Variants in ACAA2 observed in about 807,000 individuals in gnomAD.
ACAA2 encodes 3-ketoacyl-CoA thiolase, mitochondrial.
Under a neutral mutation model 44.8 loss-of-function variants are expected in ACAA2, and 35 were observed. That is an observed-to-expected ratio of 0.78 (90% CI 0.60 to 1.04). The LOEUF (loss-of-function observed/expected upper bound fraction) is 1.04, where lower values mean the gene tolerates loss of function less well. ACAA2 is among the 50% of genes least tolerant of loss of function. The pLI, the probability that ACAA2 is intolerant of heterozygous loss-of-function variation, is 0.00. For synonymous variants in ACAA2, 142 were observed against 166.5 expected (o/e 0.85, Z 1.13); for missense variants, 468 against 482.6 (o/e 0.97, Z 0.28).
Position 49,800,713 on chromosome 18 carries a change from A to C in ACAA2, c.183+1974T>G, listed in dbSNP as rs992634650. Reference sequence around the variant, plus strand: ...CTTGAAAGGCAGCATGCTTGTTAAGAGTCATCACCACTCCCTAATCTCAAG... The same window carrying C: ...CTTGAAAGGCAGCATGCTTGTTAAGCGTCATCACCACTCCCTAATCTCAAG... On this transcript the variant is annotated intron_variant, in intron 2 of 9. Coordinates refer to ENST00000285093, the MANE Select transcript of ACAA2 (RefSeq NM_006111.3). 2.0e-5 allele frequency among the ~76,000 whole-genome samples: 3 copies of C among 152,096 alleles called. No individual in the cohort carries two copies. In the East Asian group the frequency reaches 5.8e-4, roughly 29 times the overall value.
chr18:49,787,011 T>C (rs1460612552), intron 8 of ACAA2, among the ~76,000 whole-genome samples: 1 of 152,124 alleles, frequency 6.6e-6, no homozygotes, highest in African/African-American at 2.4e-5. Flanking sequence ...AATGTAACAG[T>C]TTTATAAAGT....
rs1054214077 is a variant in ACAA2, at chr18:49,801,864, C to A, written c.183+823G>T. Among the ~76,000 whole-genome samples the A allele has an allele frequency of 3.4e-5, 5 of 145,154 alleles. No individual in the cohort carries two copies. In the East Asian group the frequency reaches 1.0e-3, roughly 30 times the overall value. The stretch of plus-strand genomic sequence containing the variant: ...ACCTCCTTTTGGTCCACCTTGGGTG[C>A]CATAGCACCTATAATAGCCTCTAAC... On this transcript the variant is annotated intron_variant, in intron 2 of 9. Coordinates refer to ENST00000285093, the MANE Select transcript of ACAA2 (RefSeq NM_006111.3).
In ACAA2 at chr18:49,811,344, T is replaced by A. The variant is rs2023667909; in HGVS notation, c.16+2125A>T. 2.0e-5 allele frequency: 3 copies of A among 152,318 alleles called. No homozygotes were observed. The South Asian group carries it at 6.2e-4, about 32-fold the overall frequency. The allele number at this position is 152,318 out of a possible 1,614,324, so 9.4% of individuals were successfully genotyped here. On this transcript the variant is annotated intron_variant, in intron 1 of 9. Transcript: ENST00000285093. ...GAGGGCAAATTAAGGAAAGCTGCGG[T>A]GGCATCCAGTTGTTTCAAGATTAAG... is the stretch of plus-strand genomic sequence containing the variant.
intron 9 of ACAA2, 48 bp from the exon 10 acceptor site, chr18:49,783,979 T>C (rs774901592): frequency 6.8e-7 from 1 of 1,474,880 alleles, no homozygotes; most frequent in Middle Eastern, 1.7e-4. Flanking sequence ...AAAAATCAGA[T>C]TAATGAAATA....
chr18:49,791,989 T>G (rs1231210654), intron 6 of ACAA2, among the ~76,000 whole-genome samples, 163 bp downstream of exon 6: 2 of 152,114 alleles, frequency 1.3e-5, no homozygotes, highest in Non-Finnish European at 2.9e-5. Context: ...TATGAAAAGA[T>G]TTTGTGTGGG....
intron 6 of ACAA2, among the ~76,000 whole-genome samples, 169 bp downstream of exon 6, chr18:49,791,983 A>G (rs538417863): frequency 2.6e-5 from 4 of 152,356 alleles, no homozygotes; most frequent in East Asian, 3.9e-4. Flanking sequence ...AATAAATATG[A>G]AAAGATTTTG....
intron 7 of ACAA2, among the ~76,000 whole-genome samples, chr18:49,788,742 C>T (rs1035195070): frequency 2.0e-5 from 3 of 152,178 alleles, no homozygotes; most frequent in East Asian, 1.9e-4. Flanking sequence ...AAGCATGACT[C>T]GTACTTTCAC....
intron 7 of ACAA2, among the ~76,000 whole-genome samples, chr18:49,790,783 A>AT (rs1568585768): frequency 1.3e-5 from 2 of 152,082 alleles, no homozygotes; most frequent in African/African-American, 4.8e-5. Flanking sequence ...GGACTTCCAA[A>AT]TTTTTTCCAT....
Position 49,787,271 on chromosome 18 carries a change from A to ACAAAAC in ACAA2, c.954+19_954+20insGTTTTG. The ACAAAAC allele has an allele frequency of 7.5e-7, 1 of 1,334,068 alleles. No homozygotes were observed. Among genetic ancestry groups the ACAAAAC allele is most frequent in the Non-Finnish European group, 9.9e-7 (1 of 1,007,990 alleles). The allele number at this position is 1,334,068 out of a possible 1,614,324, so 82.6% of individuals were successfully genotyped here. On this transcript the variant is annotated intron_variant, in intron 8 of 9. Transcript: ENST00000285093. Reference sequence around the variant, plus strand: ...TTTATTCATGTTGTTAAAAAAAAAAAAAAAAAAAAAAACACTTACCTCTAC... The same window carrying ACAAAAC: ...TTTATTCATGTTGTTAAAAAAAAAAACAAAACAAAAAAAAAAAACACTTACCTCTAC...
In ACAA2 at chr18:49,795,856, A is replaced by C. The variant is rs765255369; in HGVS notation, c.338T>G (p.Val113Gly). ...CQEICVKEAE[V>G]VLCGGTESMS... is the part of the protein sequence containing the mutation. ...GCTTTCGGTTCCTCCACATAAAACA[A>C]CTTCAGCTTCTTTAACACAAATTTC... Residue 113 changes from valine to glycine, a missense_variant, in exon 4 of 10, where the codon GTT (valine) becomes GGT (glycine). Transcript: ENST00000285093. The C allele has an allele frequency of 6.2e-7, 1 of 1,611,780 alleles. No individual in the cohort carries two copies.
At chr18:49,800,858 C>A (rs1176346455) in intron 2 of ACAA2, among the ~76,000 whole-genome samples, 1 of 146,408 alleles carries the variant, frequency 6.8e-6, no homozygotes, top group Non-Finnish European at 1.5e-5. Flanking sequence ...GGGCCAAATC[C>A]CCCTCTGCGA....
chr18:49,786,371 A>G (rs976263117), intron 8 of ACAA2: 20 of 152,332 alleles, frequency 1.3e-4, no homozygotes, highest in African/African-American at 4.1e-4. Flanking sequence ...ATATAGTTTA[A>G]TAGTTTTAAA....
At chr18:49,791,914 ATT>A (rs2023405617) in intron 6 of ACAA2, among the ~76,000 whole-genome samples, 1 of 152,202 alleles carries the variant, frequency 6.6e-6, no homozygotes, top group Admixed American at 6.5e-5. Context: ...AGCCAGATAG[ATT>A]TGTTTCTGAA....
intron 3 of ACAA2, among the ~76,000 whole-genome samples, chr18:49,797,233 C>T (rs115610032): frequency 1.3e-5 from 2 of 151,346 alleles, no homozygotes; most frequent in Non-Finnish European, 2.9e-5. Flanking sequence ...CCTTTTATGA[C>T]AGGCTTATTC....
intron 1 of ACAA2, among the ~76,000 whole-genome samples, chr18:49,811,899 A>C (rs1243644673): frequency 6.6e-6 from 1 of 152,218 alleles, no homozygotes; most frequent in Non-Finnish European, 1.5e-5. Context: ...ACAGGTGTCA[A>C]TGTGCATTTT....
chr18:49,784,669 T>TAGTACC (rs1480055572), intron 9 of ACAA2, among the ~76,000 whole-genome samples: 1 of 152,132 alleles, frequency 6.6e-6, no homozygotes, highest in Non-Finnish European at 1.5e-5. Context: ...ATTCCAAAAA[T>TAGTACC]AGAAGAGCTC....
chr18:49,793,800 GTC>G (rs900059858), intron 5 of ACAA2, among the ~76,000 whole-genome samples: 14 of 152,322 alleles, frequency 9.2e-5, no homozygotes, highest in African/African-American at 3.4e-4. Context: ...CTAGTTCTAA[GTC>G]TCTGAGTTAG....
intron 2 of ACAA2, among the ~76,000 whole-genome samples, chr18:49,799,952 G>A (rs903231430): frequency 5.4e-5 from 8 of 147,604 alleles, no homozygotes; most frequent in Middle Eastern, 3.6e-3. Flanking sequence ...CAACCGCCCC[G>A]TCTAAGTGAG....
intron 9 of ACAA2, among the ~76,000 whole-genome samples, chr18:49,784,691 A>ACTAT (rs151072249): frequency 3.9e-5 from 6 of 152,192 alleles, no homozygotes; most frequent in East Asian, 1.9e-4. Flanking sequence ...TCCTTCTGGT[A>ACTAT]CTATCTATCA....
Sources: allele counts gnomAD v4.1 joint callset (sites outside exome capture counted in the v4.1 genomes callset), GRCh38; gene constraint gnomAD v4.1.1; transcripts MANE v1.5; gene names NCBI Gene and HGNC (gene_info 2026-07-23, HGNC 2026-07-21).